RPTOR: variants seen among roughly 807,000 people sequenced by gnomAD.
The protein encoded by RPTOR is regulatory-associated protein of mTOR.
A neutral mutation model predicts 169.9 loss-of-function variants in RPTOR; 21 were observed. The observed-to-expected ratio is 0.12, with a 90% CI of 0.09 to 0.18. RPTOR has a LOEUF of 0.18. RPTOR is among the 10% of genes least tolerant of loss of function. The pLI is 1.00. For synonymous variants in RPTOR, 732 were observed against 753.2 expected (o/e 0.97, Z 0.46); for missense variants, 1,133 against 1,855.9 (o/e 0.61, Z 7.16).
At chr17:80,566,490 A>T (rs1020421962) in intron 1 of RPTOR, among the ~76,000 whole-genome samples, 10 of 152,148 alleles carry the variant, frequency 6.6e-5, no homozygotes, top group Non-Finnish European at 1.5e-5. Context: ...ACTTATACAC[A>T]GGTATGGGAG....
At chr17:80,867,184 T>C (rs1245249146) in intron 13 of RPTOR, among the ~76,000 whole-genome samples, 1 of 152,156 alleles carries the variant, frequency 6.6e-6, no homozygotes, top group East Asian at 1.9e-4. Flanking sequence ...ATTTCAGGGA[T>C]GCAAACCTGT....
At chr17:80,694,725 T>C (rs2066022037) in intron 3 of RPTOR, among the ~76,000 whole-genome samples, 1 of 152,212 alleles carries the variant, frequency 6.6e-6, no homozygotes, top group Non-Finnish European at 1.5e-5. Flanking sequence ...TCGGAGTTGC[T>C]GGGAAATCAG....
At chr17:80,775,193 T>C (rs1272689750) in intron 6 of RPTOR, among the ~76,000 whole-genome samples, 1 of 152,216 alleles carries the variant, frequency 6.6e-6, no homozygotes, top group African/African-American at 2.4e-5. Flanking sequence ...TACTCCCACT[T>C]CCTTCTTGTT....
chr17:80,766,946 G>C (rs953775466), intron 6 of RPTOR, among the ~76,000 whole-genome samples: 7 of 152,304 alleles, frequency 4.6e-5, no homozygotes, highest in Non-Finnish European at 1.0e-4. Context: ...CATGAAACTA[G>C]TTGATAGTTT....
intron 24 of RPTOR, among the ~76,000 whole-genome samples, chr17:80,937,169 G>A (rs2068964839): frequency 6.6e-6 from 1 of 152,176 alleles, no homozygotes; most frequent in Admixed American, 6.5e-5. Flanking sequence ...TGGAGAGGGA[G>A]GGAGCTGGCA....
intron 26 of RPTOR, 31 bp downstream of exon 26, chr17:80,945,812 C>T (rs769616985): frequency 1.2e-5 from 16 of 1,361,432 alleles, no homozygotes; most frequent in Middle Eastern, 2.0e-4. Context: ...GCCTCCCTTC[C>T]GGCTGACCGA....
At chr17:80,950,136 G>T (rs2069155351) in intron 28 of RPTOR, among the ~76,000 whole-genome samples, 2 of 152,228 alleles carry the variant, frequency 1.3e-5, no homozygotes, top group South Asian at 4.1e-4. Context: ...GGCTCCCGGG[G>T]TCAGGCTTCT....
intron 24 of RPTOR, among the ~76,000 whole-genome samples, chr17:80,926,939 G>A (rs896743466): frequency 2.0e-5 from 3 of 152,232 alleles, no homozygotes; most frequent in African/African-American, 7.2e-5. Flanking sequence ...TGAGGCTGGT[G>A]GATTCAGTCC....
At chr17:80,791,706 T>C (rs1342843322) in intron 7 of RPTOR, among the ~76,000 whole-genome samples, 197 bp downstream of exon 7, 4 of 152,204 alleles carry the variant, frequency 2.6e-5, no homozygotes, top group Non-Finnish European at 5.9e-5. Flanking sequence ...TAACCAAACA[T>C]GGGCCATATG....
chr17:80,822,881 G>A (rs1598330728), intron 8 of RPTOR, among the ~76,000 whole-genome samples, 198 bp from the exon 9 acceptor site: 1 of 152,154 alleles, frequency 6.6e-6, no homozygotes, highest in East Asian at 1.9e-4. Flanking sequence ...ATGTGTGCAT[G>A]TGTGTACATT....
chr17:80,578,571 AAAC>A (rs1183678634), intron 1 of RPTOR, among the ~76,000 whole-genome samples: 1 of 152,192 alleles, frequency 6.6e-6, no homozygotes, highest in African/African-American at 2.4e-5. Context: ...AGAAGACAGA[AAAC>A]ACACCAGGTA....
chr17:80,942,674 A>G (rs1465079444), intron 25 of RPTOR, among the ~76,000 whole-genome samples: 1 of 152,160 alleles, frequency 6.6e-6, no homozygotes, highest in African/African-American at 2.4e-5. Flanking sequence ...AGATGTGAGC[A>G]TTGAGAAAAA....
chr17:80,958,411 T>TTA (rs2069285815), intron 29 of RPTOR, among the ~76,000 whole-genome samples: 1 of 135,002 alleles, frequency 7.4e-6, no homozygotes, highest in African/African-American at 3.0e-5. Flanking sequence ...GTTTCTTTTT[T>TTA]TTTTTTTTTT....
At chr17:80,906,426 C>T (rs1397885312) in intron 20 of RPTOR, among the ~76,000 whole-genome samples, 4 of 152,206 alleles carry the variant, frequency 2.6e-5, no homozygotes, top group South Asian at 4.1e-4. Context: ...TCCCAGTACA[C>T]GCGGTGCAGG....
intron 17 of RPTOR, among the ~76,000 whole-genome samples, chr17:80,891,431 C>T (rs971494538): frequency 2.0e-5 from 3 of 152,204 alleles, no homozygotes; most frequent in African/African-American, 7.2e-5. Context: ...CTGTGACTCA[C>T]CGTGTCCTTA....
chr17:80,780,592 C>T (rs2066931559), intron 6 of RPTOR, among the ~76,000 whole-genome samples: 2 of 152,104 alleles, frequency 1.3e-5, no homozygotes, highest in Admixed American at 6.5e-5. Flanking sequence ...CCAGTCAGAG[C>T]GGAACCGTGA....
chr17:80,871,456 A>G (rs1164229016), intron 13 of RPTOR, among the ~76,000 whole-genome samples: 4 of 152,138 alleles, frequency 2.6e-5, no homozygotes, highest in Non-Finnish European at 4.4e-5. Context: ...ATGAGGGTGC[A>G]TGCTGTTGGA....
At chr17:80,756,152 T>G (rs1398019786) in intron 6 of RPTOR, among the ~76,000 whole-genome samples, 1 of 152,106 alleles carries the variant, frequency 6.6e-6, no homozygotes, top group African/African-American at 2.4e-5. Flanking sequence ...TGCCCTCACA[T>G]TTAGGTTAAT....
In RPTOR at chr17:80,962,446, A is replaced by T. The variant is rs781017246; in HGVS notation, c.3693-15A>T. The T allele has an allele frequency of 6.2e-7, 1 of 1,608,792 alleles. No individual in the cohort carries two copies. The highest frequency in any genetic ancestry group is 8.5e-7 in the Non-Finnish European group (1 of 1,176,136). On this transcript the variant is annotated splice_polypyrimidine_tract_variant and intron_variant, in intron 31 of 33. Coordinates refer to ENST00000306801, the MANE Select transcript of RPTOR (RefSeq NM_020761.3). ...GCCTCCGGGAGGAGGTGTCACTGTG[A>T]CCCTCTCTTGGCAGCGTCAATGGAG... is the stretch of plus-strand genomic sequence containing the variant.
Sources: allele counts gnomAD v4.1 joint callset (sites outside exome capture counted in the v4.1 genomes callset), GRCh38; gene constraint gnomAD v4.1.1; transcripts MANE v1.5; gene names NCBI Gene and HGNC (gene_info 2026-07-23, HGNC 2026-07-21).